Variants in MYO3B observed in about 807,000 individuals in gnomAD.
The protein encoded by MYO3B is myosin-IIIb.
MYO3B carries 156 observed loss-of-function variants against 174.6 expected under a neutral mutation model. The observed-to-expected ratio is 0.89, with a 90% CI of 0.78 to 1.02. MYO3B has a LOEUF of 1.02. Ranked by LOEUF, MYO3B falls within the 50% of genes least tolerant of loss-of-function variation. The pLI is 0.00. For synonymous variants in MYO3B, 563 were observed against 569.1 expected (o/e 0.99, Z 0.15); for missense variants, 1,632 against 1,639.4 (o/e 1.00, Z 0.08).
intron 7 of MYO3B, 66 bp downstream of exon 7, chr2:170,236,202 T>C: frequency 1.9e-6 from 3 of 1,590,858 alleles, no homozygotes; most frequent in Non-Finnish European, 2.6e-6. Flanking sequence ...AGAGGGATAA[T>C]AAATAGTTTG....
chr2:170,245,099 G>A (rs957397860), intron 7 of MYO3B, among the ~76,000 whole-genome samples: 3 of 152,164 alleles, frequency 2.0e-5, no homozygotes, highest in African/African-American at 4.8e-5. Context: ...TCTGCTGACC[G>A]TCCTGCCAAC....
At chr2:170,613,748 C>G (rs1228267343) in intron 32 of MYO3B, among the ~76,000 whole-genome samples, 1 of 152,138 alleles carries the variant, frequency 6.6e-6, no homozygotes, top group Non-Finnish European at 1.5e-5. Flanking sequence ...GAATATAAAG[C>G]AGGCAGAAAA....
intron 30 of MYO3B, among the ~76,000 whole-genome samples, chr2:170,523,178 A>C (rs1575113051): frequency 6.6e-6 from 1 of 152,132 alleles, no homozygotes; most frequent in African/African-American, 2.4e-5. Flanking sequence ...ACTGAGTCTT[A>C]CTCTTTCTTG....
chr2:170,523,539 T>G (rs529627309), intron 30 of MYO3B, among the ~76,000 whole-genome samples: 35 of 152,236 alleles, frequency 2.3e-4, no homozygotes, highest in Non-Finnish European at 4.1e-4. Flanking sequence ...TCATTGGAAG[T>G]AACAAACATT....
At chr2:170,526,172 C>T (rs1053181957) in intron 30 of MYO3B, among the ~76,000 whole-genome samples, 1 of 152,122 alleles carries the variant, frequency 6.6e-6, no homozygotes, top group East Asian at 1.9e-4. Flanking sequence ...AGACATTGGA[C>T]AAGTTCCTTC....
chr2:170,545,279 T>C (rs1690404404), intron 32 of MYO3B, among the ~76,000 whole-genome samples: 1 of 152,188 alleles, frequency 6.6e-6, no homozygotes, highest in Non-Finnish European at 1.5e-5. Context: ...TCAAGTTACA[T>C]AGCAACTCCT....
chr2:170,327,071 G>T (rs1225426169), intron 7 of MYO3B, among the ~76,000 whole-genome samples: 14 of 152,276 alleles, frequency 9.2e-5, no homozygotes, highest in Admixed American at 5.9e-4. Flanking sequence ...GGACCAAACA[G>T]GTCATTAAGA....
intron 23 of MYO3B, among the ~76,000 whole-genome samples, chr2:170,451,895 C>G (rs969387895): frequency 6.6e-6 from 1 of 152,156 alleles, no homozygotes; most frequent in Non-Finnish European, 1.5e-5. Flanking sequence ...CATCCTGGAT[C>G]CCCAAAAAGA....
At chr2:170,648,690 C>G (rs1474726127) in intron 32 of MYO3B, among the ~76,000 whole-genome samples, 1 of 116,034 alleles carries the variant, frequency 8.6e-6, no homozygotes, top group Non-Finnish European at 1.7e-5. Flanking sequence ...ATATTATATT[C>G]TATATAATAT....
chr2:170,472,627 C>G (rs953145843), intron 25 of MYO3B, among the ~76,000 whole-genome samples: 15 of 151,998 alleles, frequency 9.9e-5, no homozygotes, highest in Non-Finnish European at 1.9e-4. Context: ...CTTATCTGAA[C>G]CTTAACTGCC....
chr2:170,302,107 A>G (rs888565665), intron 7 of MYO3B, among the ~76,000 whole-genome samples: 3 of 152,058 alleles, frequency 2.0e-5, no homozygotes, highest in Admixed American at 6.6e-5. Flanking sequence ...GCAGCTCTCA[A>G]AGTTCTTAAA....
In MYO3B at chr2:170,330,011, G is replaced by A. The variant is rs563575471; in HGVS notation, c.750-5374G>A. Among the ~76,000 whole-genome samples the A allele has an allele frequency of 1.8e-4, 27 of 152,198 alleles. No homozygotes were observed. The South Asian group carries it at 2.3e-3, about 13-fold the overall frequency. On this transcript the variant is annotated intron_variant, in intron 7 of 34. Transcript: ENST00000408978. Reference sequence around the variant, plus strand: ...ATGTTTTTTTAACACATTCCTAAGTGTTTAACTGGATGTTAACAATTGTTT... The same window carrying A: ...ATGTTTTTTTAACACATTCCTAAGTATTTAACTGGATGTTAACAATTGTTT...
chr2:170,619,960 T>C (rs936817808), intron 32 of MYO3B, among the ~76,000 whole-genome samples: 2 of 151,908 alleles, frequency 1.3e-5, no homozygotes, highest in African/African-American at 4.8e-5. Context: ...TTGGCCAGGC[T>C]GGCTTGCTGC....
intron 22 of MYO3B, among the ~76,000 whole-genome samples, chr2:170,437,793 G>T (rs368200528): frequency 6.6e-6 from 1 of 152,142 alleles, no homozygotes; most frequent in East Asian, 1.9e-4. Flanking sequence ...CTACTAATCA[G>T]TGTCTGTGTC....
At chr2:170,218,988 C>G (rs1457736867) in intron 6 of MYO3B, among the ~76,000 whole-genome samples, 1 of 152,188 alleles carries the variant, frequency 6.6e-6, no homozygotes, top group Non-Finnish European at 1.5e-5. Context: ...TTTACTTGTT[C>G]TTAATGCCCC....
In MYO3B at chr2:170,189,596, T is replaced by TG. The variant is rs377541034; in HGVS notation, c.3-9611dup. 2.3e-3 allele frequency among the ~76,000 whole-genome samples: 350 copies of TG among 152,168 alleles called. 3 individuals carry two copies. The highest frequency in any genetic ancestry group is 8.2e-3 in the African/African-American group (341 of 41,540). ...AAGCTCACTCATTCTTTCTTCTGCT[T>TG]GATCAATTCTGCTGTTGAGACTCTG... is the stretch of plus-strand genomic sequence containing the variant. On this transcript the variant is annotated intron_variant, in intron 1 of 34. Transcript: ENST00000408978.
intron 7 of MYO3B, among the ~76,000 whole-genome samples, chr2:170,316,496 G>C (rs896823414): frequency 2.0e-5 from 3 of 152,216 alleles, no homozygotes; most frequent in African/African-American, 7.2e-5. Context: ...TGCCTGGGCA[G>C]GAAATCTTAG....
At chr2:170,579,521 T>C (rs906548788) in intron 32 of MYO3B, among the ~76,000 whole-genome samples, 2 of 152,220 alleles carry the variant, frequency 1.3e-5, no homozygotes, top group African/African-American at 4.8e-5. Flanking sequence ...TGAATTTTCA[T>C]TTTATTCCCT....
rs866183506 is a variant in MYO3B at position 170,223,951 on chromosome 2, C to T, written c.603+6556C>T. The stretch of plus-strand genomic sequence containing the variant: ...GATGGTAAATGGCTGCCATCCAGAG[C>T]CCCTTGAGTGCTCCTCAGCCACCAG... On this transcript the variant is annotated intron_variant, in intron 6 of 34. Coordinates refer to ENST00000408978, the MANE Select transcript of MYO3B (RefSeq NM_138995.5). 6.6e-5 allele frequency among the ~76,000 whole-genome samples: 10 copies of T among 152,266 alleles called. No homozygotes were observed. The Middle Eastern group carries it at 0.01, about 155-fold the overall frequency.
Sources: gnomAD v4.1 joint callset for allele counts (sites outside exome capture counted in the v4.1 genomes callset) on GRCh38, gnomAD v4.1.1 for gene constraint, MANE v1.5 for transcripts, NCBI Gene and HGNC (gene_info 2026-07-23, HGNC 2026-07-21) for gene names.